ACTN4: variants seen among roughly 807,000 people sequenced by gnomAD.
The protein encoded by ACTN4 is alpha-actinin-4.
Under a neutral mutation model 114.2 loss-of-function variants are expected in ACTN4, and 18 were observed. The ratio of observed to expected loss-of-function variants is 0.16; its 90% CI spans 0.11 to 0.23. The LOEUF (loss-of-function observed/expected upper bound fraction) is 0.23. Ranked by LOEUF, ACTN4 falls within the 10% of genes least tolerant of loss-of-function variation. The probability of loss-of-function intolerance (pLI) is 1.00; values close to 1 mark genes in which losing one functional copy is unlikely to be tolerated. For synonymous variants in ACTN4, 515 were observed against 506.3 expected (o/e 1.02, Z -0.23); for missense variants, 722 against 1,262.9 (o/e 0.57, Z 6.49).
At chr19:38,686,525 T>A (rs1343598005) in intron 1 of ACTN4, among the ~76,000 whole-genome samples, 1 of 152,228 alleles carries the variant, frequency 6.6e-6, no homozygotes, top group Non-Finnish European at 1.5e-5. Context: ...GGCCCCAGCC[T>A]CTGCTGCTGC....
chr19:38,719,742 T>TG (rs1034112993), intron 11 of ACTN4, among the ~76,000 whole-genome samples: 4 of 152,260 alleles, frequency 2.6e-5, no homozygotes, highest in African/African-American at 9.6e-5. Context: ...CTGAACCTTC[T>TG]GGGGGTCTTT....
At chr19:38,691,401 C>CAAAAAAAAAAA (rs34899917) in intron 1 of ACTN4, among the ~76,000 whole-genome samples, 48 of 52,664 alleles carry the variant, frequency 9.1e-4, no homozygotes, top group Non-Finnish European at 1.6e-3. Context: ...AACTCCGTCT[C>CAAAAAAAAAAA]AAAAAAAAAA....
At chr19:38,716,911 T>C (rs1484666366) in intron 9 of ACTN4, among the ~76,000 whole-genome samples, 175 bp from the exon 10 acceptor site, 1 of 152,166 alleles carries the variant, frequency 6.6e-6, no homozygotes, top group Non-Finnish European at 1.5e-5. Context: ...GCTCCCAGAG[T>C]TCCAGGTTGG....
intron 1 of ACTN4, among the ~76,000 whole-genome samples, chr19:38,695,171 T>C (rs1968053056): frequency 6.6e-6 from 1 of 152,228 alleles, no homozygotes; most frequent in African/African-American, 2.4e-5. Context: ...CCACCATGCC[T>C]GGCTGGCCAG....
At chr19:38,660,392 T>G (rs1976846793) in intron 1 of ACTN4, among the ~76,000 whole-genome samples, 1 of 152,058 alleles carries the variant, frequency 6.6e-6, no homozygotes, top group Admixed American at 6.5e-5. Flanking sequence ...TGACTGGTTT[T>G]TGTTTTTTTT....
chr19:38,718,760 T>C (rs976104526), intron 11 of ACTN4, among the ~76,000 whole-genome samples: 61 of 152,190 alleles, frequency 4.0e-4, no homozygotes, highest in African/African-American at 1.5e-3. Context: ...GGCGAGTGTG[T>C]GGGGCAGGCC....
intron 16 of ACTN4, among the ~76,000 whole-genome samples, chr19:38,725,301 G>C (rs997938926): frequency 6.6e-6 from 1 of 152,168 alleles, no homozygotes; most frequent in African/African-American, 2.4e-5. Context: ...ATGTGGACTT[G>C]TGGGTGCCGA....
In ACTN4 at chr19:38,729,348, G is replaced by A. The variant is rs202127035; in HGVS notation, c.2652G>A (p.Ala884=). The change falls in exon 21 of 21, where the codon GCG becomes GCA. Residue 884 remains alanine (A), a synonymous_variant. Coordinates refer to ENST00000252699, the MANE Select transcript of ACTN4 (RefSeq NM_004924.6). ...CCGAGTACTGCATCGCCCGCATGGC[G>A]CCATACCAGGGCCCTGACGCCGTGC... ...DQAEYCIARM[A]PYQGPDAVPG... 1.0e-4 allele frequency: 161 copies of A among 1,612,558 alleles called. No individual in the cohort carries two copies. The highest frequency in any genetic ancestry group is 2.5e-4 in the African/African-American group (19 of 74,902).
At chr19:38,681,224 A>G (rs1403721238) in intron 1 of ACTN4, among the ~76,000 whole-genome samples, 1 of 149,866 alleles carries the variant, frequency 6.7e-6, no homozygotes, top group Non-Finnish European at 1.5e-5. Context: ...TGACTTAACC[A>G]CTCTGTGAAG....
chr19:38,708,289 C>G, intron 6 of ACTN4, 94 bp downstream of exon 6: 11 of 1,397,058 alleles, frequency 7.9e-6, no homozygotes, highest in Non-Finnish European at 1.0e-5. Flanking sequence ...CCATCGCCAG[C>G]CTCCAGATCT....
intron 1 of ACTN4, among the ~76,000 whole-genome samples, chr19:38,684,331 GTCC>G (rs2144933358): frequency 6.6e-6 from 1 of 152,286 alleles, no homozygotes; most frequent in South Asian, 2.1e-4. Flanking sequence ...GGTACCCAGA[GTCC>G]TCCTCGGTCC....
In ACTN4 at chr19:38,672,526, C is replaced by G. The variant is rs374244536; in HGVS notation, c.162+24619C>G. Among the ~76,000 whole-genome samples the G allele has an allele frequency of 2.0e-5, 3 of 151,794 alleles. No individual in the cohort carries two copies. In the East Asian group the frequency reaches 5.8e-4, roughly 29 times the overall value. Reference sequence around the variant, plus strand: ...AAAGTGTTGGGATTACAGGTGTGAGCTACCACACCCTGCCAAGGTTCTATT... The same window carrying G: ...AAAGTGTTGGGATTACAGGTGTGAGGTACCACACCCTGCCAAGGTTCTATT... On this transcript the variant is annotated intron_variant, in intron 1 of 20. Transcript: ENST00000252699.
chr19:38,703,790 G>C (rs1450782790), intron 3 of ACTN4, among the ~76,000 whole-genome samples: 1 of 152,092 alleles, frequency 6.6e-6, no homozygotes, highest in African/African-American at 2.4e-5. Flanking sequence ...GAGGAACTGG[G>C]TGGCGGGTTG....
intron 1 of ACTN4, among the ~76,000 whole-genome samples, chr19:38,664,694 T>G (rs1966902957): frequency 6.6e-6 from 1 of 152,102 alleles, no homozygotes; most frequent in African/African-American, 2.4e-5. Flanking sequence ...AGGAGAGGGC[T>G]GGGGGATATT....
Position 38,660,981 on chromosome 19 carries a change from AAG to A in ACTN4, c.162+13080_162+13081del, listed in dbSNP as rs58474189. 8.8e-3 allele frequency among the ~76,000 whole-genome samples: 1,334 copies of A among 152,238 alleles called. 17 individuals are homozygous for A. Among genetic ancestry groups the A allele is most frequent in the African/African-American group, 0.031 (1,283 of 41,550 alleles). On this transcript the variant is annotated intron_variant, in intron 1 of 20. Coordinates refer to ENST00000252699, the MANE Select transcript of ACTN4 (RefSeq NM_004924.6). Reference sequence around the variant, plus strand: ...TTCAGCTGTTCCTTAACGGATGAGAAAGAGAGAACCAAGAGAGCACCAGAGGA... The same window carrying A: ...TTCAGCTGTTCCTTAACGGATGAGAAAGAGAACCAAGAGAGCACCAGAGGA...
chr19:38,700,232 G>A (rs1460784614), intron 1 of ACTN4, among the ~76,000 whole-genome samples: 1 of 152,132 alleles, frequency 6.6e-6, no homozygotes, highest in Non-Finnish European at 1.5e-5. Flanking sequence ...GTGAGCCGGC[G>A]GCGGGCTGAG....
chr19:38,704,995 C>T lies in ACTN4; in HGVS notation c.459C>T (p.Phe153=), dbSNP rs201314541. 1.9e-5 allele frequency: 31 copies of T among 1,614,218 alleles called. No individual in the cohort carries two copies. The highest frequency in any genetic ancestry group is 4.4e-5 in the South Asian group (4 of 91,080). Residue 153 remains phenylalanine, a synonymous_variant, in exon 4 of 21, where the codon TTC becomes TTT. Coordinates refer to ENST00000252699, the MANE Select transcript of ACTN4 (RefSeq NM_004924.6). ...LGMIWTIILR[F]AIQDISVEET... The stretch of plus-strand genomic sequence containing the variant: ...TGATCTGGACCATCATCCTTAGGTT[C>T]GCCATCCAGGACATCTCCGTGGAAG...
intron 1 of ACTN4, among the ~76,000 whole-genome samples, chr19:38,655,622 A>G (rs963013791): frequency 1.3e-5 from 2 of 152,152 alleles, no homozygotes; most frequent in African/African-American, 4.8e-5. Context: ...ACTCGAACAT[A>G]TGGCTCATGA....
chr19:38,727,609 A>C lies in ACTN4; in HGVS notation c.2338-337A>C. Reference sequence around the variant, plus strand: ...TACAGTCCCCTCTGTCCCACTCCAAATCCCAAAGGCAAGGAGAACCCCCCC... The same window carrying C: ...TACAGTCCCCTCTGTCCCACTCCAACTCCCAAAGGCAAGGAGAACCCCCCC... On this transcript the variant is annotated intron_variant, in intron 18 of 20. Coordinates refer to ENST00000252699, the MANE Select transcript of ACTN4 (RefSeq NM_004924.6). The surrounding 1 kb of genome is among the most constrained non-coding windows in gnomAD (Gnocchi z 5.4). 6.7e-6 allele frequency among the ~76,000 whole-genome samples: 1 copy of C among 150,266 alleles called. No individual in the cohort carries two copies. The highest frequency in any genetic ancestry group is 2.4e-5 in the African/African-American group (1 of 40,910).
Sources: allele counts gnomAD v4.1 joint callset (sites outside exome capture counted in the v4.1 genomes callset), GRCh38; gene constraint gnomAD v4.1.1; non-coding constraint Gnocchi (gnomAD v3.1); transcripts MANE v1.5; gene names NCBI Gene and HGNC (gene_info 2026-07-23, HGNC 2026-07-21).